UGT2A3: variants seen among roughly 807,000 people sequenced by gnomAD.
UGT2A3 encodes UDP glucuronosyltransferase family 2 member A3, also known as UDP-glucuronosyltransferase 2A3.
Under a neutral mutation model 44.1 loss-of-function variants are expected in UGT2A3, and 55 were observed. The ratio of observed to expected loss-of-function variants is 1.25; its 90% CI spans 1.00 to 1.56. The LOEUF (loss-of-function observed/expected upper bound fraction) is 1.56, where lower values mean the gene tolerates loss of function less well. Among genes scored for constraint, UGT2A3 ranks in the 40% most tolerant of loss-of-function variants. UGT2A3 has a pLI of 0.00. For synonymous variants in UGT2A3, 243 were observed against 215.1 expected (o/e 1.13, Z -1.13); for missense variants, 733 against 621.6 (o/e 1.18, Z -1.91).
chr4:68,945,119 A>G (rs570458818), intron 2 of UGT2A3, among the ~76,000 whole-genome samples, 187 bp downstream of exon 2: 24 of 151,808 alleles, frequency 1.6e-4, no homozygotes, highest in African/African-American at 5.8e-4. Context: ...TCTTCTGCCT[A>G]CTTTCTCAAT....
rs746156959 is a variant in UGT2A3, at chr4:68,930,611, T to A, written c.1239A>T (p.Ile413=). ...HMKAKGAAVE[I]NFKTMTSEDL... ...CTTCGCTTGTCATAGTTTTGAAGTTTATTTCTACAGCTGCTCCTTTGGCCT... is the reference window on the plus strand; with the variant it reads ...CTTCGCTTGTCATAGTTTTGAAGTTAATTTCTACAGCTGCTCCTTTGGCCT... The change falls in exon 5 of 6, where the codon ATA becomes ATT. Residue 413 remains isoleucine (I), a synonymous_variant. Transcript: ENST00000251566. 3.1e-6 allele frequency: 5 copies of A among 1,613,564 alleles called. No homozygotes were observed. The highest frequency in any genetic ancestry group is 1.3e-5 in the African/African-American group (1 of 75,010).
At chr4:68,941,418 A>G (rs1292604342) in intron 2 of UGT2A3, among the ~76,000 whole-genome samples, 1 of 151,956 alleles carries the variant, frequency 6.6e-6, no homozygotes, top group Non-Finnish European at 1.5e-5. Context: ...AAATGGTGCT[A>G]GGAAAACTGC....
rs1354807972 is a variant in UGT2A3, at chr4:68,931,193, G to A, written c.1046C>T (p.Thr349Ile). 14 of 1,612,956 alleles carry A rather than the reference G, an allele frequency of 8.7e-6. No homozygotes were observed. Among genetic ancestry groups the A allele is most frequent in the Non-Finnish European group, 1.1e-5 (13 of 1,179,422 alleles). Residue 349 changes from threonine to isoleucine, a missense_variant, in exon 4 of 6, where the codon ACT (threonine) becomes ATT (isoleucine). Physicochemically the swap from Thr to Ile is moderately conservative, Grantham distance 89. Coordinates refer to ENST00000251566, the MANE Select transcript of UGT2A3 (RefSeq NM_024743.4). ...GKKPSTLGAN[T>I]RLYDWIPQND... ...CTGGGGTATCCAATCATACAGCCGA[G>A]TATTGGCTCCTAATGTGGATGGTTT...
Position 68,951,128 on chromosome 4 carries a change from A to G in UGT2A3, c.633T>C (p.Asn211=). 1 of 1,611,600 alleles carries G rather than the reference A, an allele frequency of 6.2e-7. No homozygotes were observed. Among genetic ancestry groups the G allele is most frequent in the South Asian group, 1.1e-5 (1 of 90,862 alleles). The change falls in exon 1 of 6, where the codon AAT becomes AAC. Residue 211 remains asparagine (N), a synonymous_variant. Transcript: ENST00000251566. The stretch of plus-strand genomic sequence containing the variant: ...AGTGGAACAAAACTGAAAGCATTGA[A>G]TTTTTTACTCTTTCCAGAAAGGTCA... ...DRMTFLERVK[N]SMLSVLFHFW...
intron 2 of UGT2A3, chr4:68,943,322 C>G: frequency 7.9e-7 from 1 of 1,271,998 alleles, no homozygotes; most frequent in Non-Finnish European, 1.0e-6. Flanking sequence ...TTCTGTATTT[C>G]TATTTTAGAT....
intron 5 of UGT2A3, among the ~76,000 whole-genome samples, chr4:68,930,329 A>T (rs762748653): frequency 1.4e-4 from 21 of 152,090 alleles, no homozygotes; most frequent in Non-Finnish European, 2.4e-4. Context: ...AAAGCTTAGT[A>T]AGCCAGTTGT....
intron 2 of UGT2A3, among the ~76,000 whole-genome samples, chr4:68,934,049 TA>T (rs11462731): frequency 0.037 from 5,582 of 151,188 alleles, 369 homozygotes; most frequent in African/African-American, 0.13. Context: ...CAAGTATTGT[TA>T]AAAAAAAACT....
chr4:68,941,039 TG>T (rs1396365813), intron 2 of UGT2A3, among the ~76,000 whole-genome samples: 1 of 151,744 alleles, frequency 6.6e-6, no homozygotes, highest in Non-Finnish European at 1.5e-5. Context: ...ATTAATCCCC[TG>T]CCTGGGAGGC....
chr4:68,949,799 A>C (rs1165100011), intron 1 of UGT2A3, among the ~76,000 whole-genome samples: 1 of 151,878 alleles, frequency 6.6e-6, no homozygotes, highest in African/African-American at 2.4e-5. Flanking sequence ...TAGACTCACA[A>C]TAGATAATTC....
intron 2 of UGT2A3, chr4:68,943,210 T>G (rs778660917): frequency 1.8e-6 from 1 of 566,908 alleles, no homozygotes; most frequent in Non-Finnish European, 2.7e-6. Context: ...TGTGTGTTTG[T>G]GTGTGTGTGT....
chr4:68,930,698 A>T lies in UGT2A3; in HGVS notation c.1152T>A (p.His384Gln). 3 of 1,613,210 alleles carry T rather than the reference A, an allele frequency of 1.9e-6. No homozygotes were observed. The highest frequency in any genetic ancestry group is 2.5e-6 in the Non-Finnish European group (3 of 1,179,474). The change falls in exon 5 of 6, where the codon CAT (histidine) becomes CAA (glutamine). Residue 384 changes from histidine (H) to glutamine (Q), a missense_variant. His to Gln is a conservative substitution (Grantham distance 24). Transcript: ENST00000251566. ...TGGGAACTCCCACCATAGGGACCCC[A>T]TGGTAAATAGCTTCATAGATCCCAT... ...GMNGIYEAIY[H>Q]GVPMVGVPIF...
At chr4:68,932,921 C>T (rs1403894651) in intron 2 of UGT2A3, among the ~76,000 whole-genome samples, 162 bp from the exon 3 acceptor site, 8 of 151,982 alleles carry the variant, frequency 5.3e-5, no homozygotes, top group Admixed American at 2.0e-4. Flanking sequence ...CTTTAAAGGA[C>T]AGTCTATGTA....
At position 68,931,357 on chromosome 4, in the gene UGT2A3, G is replaced by A. The variant is rs144595540; in HGVS notation, c.997-115C>T. ...TGTACTTCAGGTGATGGTTGAGACA[G>A]GGGTGTGTAGAGCTACCGCGTAAAG... On this transcript the variant is annotated intron_variant, in intron 3 of 5. Coordinates refer to ENST00000251566, the MANE Select transcript of UGT2A3 (RefSeq NM_024743.4). 8.6e-4 allele frequency: 653 copies of A among 760,666 alleles called. 4 individuals are homozygous for A. Among genetic ancestry groups the A allele is most frequent in the East Asian group, 6.5e-3 (238 of 36,796 alleles). 47.1% of individuals were successfully genotyped at this position (760,666 alleles called of 1,614,324 possible).
intron 1 of UGT2A3, among the ~76,000 whole-genome samples, chr4:68,948,272 A>G (rs573744513): frequency 6.6e-6 from 1 of 151,868 alleles, no homozygotes; most frequent in South Asian, 2.1e-4. Context: ...TGTAAACCTC[A>G]TTAGTCAACC....
intron 2 of UGT2A3, among the ~76,000 whole-genome samples, chr4:68,935,276 G>GTATATATATA (rs57286694): frequency 0.01 from 600 of 59,810 alleles, 16 homozygotes; most frequent in Non-Finnish European, 0.015. Flanking sequence ...ATGTATGTAT[G>GTATATATATA]TATATATATA....
intron 2 of UGT2A3, among the ~76,000 whole-genome samples, chr4:68,937,406 C>T (rs551814240): frequency 1.3e-5 from 2 of 152,128 alleles, no homozygotes; most frequent in South Asian, 2.1e-4. Flanking sequence ...GATTAAGAAA[C>T]TCACTCAAAA....
At chr4:68,930,249 T>C (rs549219715) in intron 5 of UGT2A3, among the ~76,000 whole-genome samples, 157 bp from the exon 6 acceptor site, 1 of 152,208 alleles carries the variant, frequency 6.6e-6, no homozygotes, top group South Asian at 2.1e-4. Flanking sequence ...TACATAGTAT[T>C]AAACAGATAT....
intron 2 of UGT2A3, among the ~76,000 whole-genome samples, chr4:68,937,311 G>A (rs979686391): frequency 9.9e-5 from 15 of 151,936 alleles, no homozygotes; most frequent in African/African-American, 3.6e-4. Flanking sequence ...CCACATAATT[G>A]GAAGTAAAAC....
chr4:68,931,228 G>T lies in UGT2A3; in HGVS notation c.1011C>A (p.Tyr337Ter), dbSNP rs1268760608. 2 of 1,612,144 alleles carry T rather than the reference G, an allele frequency of 1.2e-6. No homozygotes were observed. Among genetic ancestry groups the T allele is most frequent in the East Asian group, 2.2e-5 (1 of 44,754 alleles). ...CTAATGTGGATGGTTTTTTTCCTTT[G>T]TACCTCCATAACACCTACGGAAGAA... ...AQIPQKVLWR[Y>*]KGKKPSTLGA... The change falls in exon 4 of 6, where the codon TAC becomes TAA. Residue 337 changes from tyrosine to a stop codon, truncating the protein, a stop_gained. Transcript: ENST00000251566. LOFTEE classifies it high-confidence loss of function.
Sources: allele counts gnomAD v4.1 joint callset (sites outside exome capture counted in the v4.1 genomes callset), GRCh38; gene constraint gnomAD v4.1.1; transcripts MANE v1.5; gene names NCBI Gene and HGNC (gene_info 2026-07-23, HGNC 2026-07-21).